The following SORBS2 variants were observed in gnomAD, a reference collection of about 807,000 sequenced individuals.
SORBS2 encodes sorbin and SH3 domain-containing protein 2.
SORBS2 carries 46 observed loss-of-function variants against 97.7 expected under a neutral mutation model. The observed-to-expected ratio is 0.47, with a 90% CI of 0.37 to 0.60. The LOEUF (loss-of-function observed/expected upper bound fraction) is 0.60. Among genes scored for constraint, SORBS2 ranks in the 20% least tolerant of loss-of-function variants. SORBS2 has a pLI of 0.00. For synonymous variants in SORBS2, 476 were observed against 473.4 expected (o/e 1.01, Z -0.07); for missense variants, 1,316 against 1,282.3 (o/e 1.03, Z -0.40).
intron 1 of SORBS2, among the ~76,000 whole-genome samples, chr4:185,890,628 A>T (rs1170623169): frequency 1.3e-5 from 2 of 152,086 alleles, no homozygotes; most frequent in East Asian, 3.9e-4. Context: ...CAGTGGTCTC[A>T]CCTCTGCCTG....
chr4:185,841,331 T>C (rs1040766432), intron 1 of SORBS2, among the ~76,000 whole-genome samples: 2 of 152,060 alleles, frequency 1.3e-5, no homozygotes, highest in Admixed American at 1.3e-4. Context: ...GGGGGGAGAT[T>C]AGTGGAGGTG....
intron 1 of SORBS2, among the ~76,000 whole-genome samples, chr4:185,891,492 C>T (rs1164151308): frequency 1.3e-5 from 2 of 152,330 alleles, no homozygotes; most frequent in East Asian, 1.9e-4. Flanking sequence ...AAGATTTCAA[C>T]GTGCTCAATT....
chr4:185,948,510 A>ATTTTTTTTTTT (rs34637572), intron 1 of SORBS2, among the ~76,000 whole-genome samples: 1 of 87,768 alleles, frequency 1.1e-5, no homozygotes, highest in Non-Finnish European at 2.1e-5. Context: ...ATGAATTTCA[A>ATTTTTTTTTTT]TTTTTTTTTT....
At chr4:185,631,408 G>T (rs1232891337) in intron 4 of SORBS2, among the ~76,000 whole-genome samples, 1 of 152,124 alleles carries the variant, frequency 6.6e-6, no homozygotes, top group Non-Finnish European at 1.5e-5. Flanking sequence ...TATCTAAAAG[G>T]CAAGAGAGGA....
At chr4:185,873,655 T>C (rs2099231667) in intron 1 of SORBS2, among the ~76,000 whole-genome samples, 2 of 152,194 alleles carry the variant, frequency 1.3e-5, no homozygotes, top group Admixed American at 1.3e-4. Flanking sequence ...AAAAAATGAA[T>C]ACTTTAGAGA....
chr4:185,752,405 A>G (rs1265026205), intron 2 of SORBS2, among the ~76,000 whole-genome samples: 2 of 152,106 alleles, frequency 1.3e-5, no homozygotes, highest in African/African-American at 4.8e-5. Context: ...CCTCCCGAGT[A>G]GCTTGGACTA....
chr4:185,624,471 G>A lies in SORBS2; in HGVS notation c.658C>T (p.Pro220Ser), dbSNP rs749494119. Reference sequence around the variant, plus strand: ...AGCCCTGAGTAACTGCAAAGGGATGGACATATTTTGCTATCATCCCCACCT... The same window carrying A: ...AGCCCTGAGTAACTGCAAAGGGATGAACATATTTTGCTATCATCCCCACCT... The change falls in exon 7 of 15, where the codon CCA (proline) becomes TCA (serine). Residue 220 changes from proline (P) to serine (S), a missense_variant. Pro to Ser is a moderately conservative substitution (Grantham distance 74). Coordinates refer to ENST00000418609, the Ensembl canonical transcript of SORBS2. The A allele has an allele frequency of 4.4e-6, 7 of 1,607,050 alleles. No individual in the cohort carries two copies. The highest frequency in any genetic ancestry group is 6.0e-6 in the Non-Finnish European group (7 of 1,175,670).
chr4:185,633,513 AGAGTT>A (rs1467548535), intron 4 of SORBS2, among the ~76,000 whole-genome samples: 5 of 151,426 alleles, frequency 3.3e-5, no homozygotes, highest in African/African-American at 9.7e-5. Flanking sequence ...TAGAATGCAT[AGAGTT>A]AAGTTTCTAC....
intron 1 of SORBS2, among the ~76,000 whole-genome samples, chr4:185,793,303 G>A (rs886299501): frequency 2.6e-5 from 4 of 152,214 alleles, no homozygotes; most frequent in Admixed American, 2.6e-4. Context: ...CAGGATGGCT[G>A]TTCTTTGGGA....
At chr4:185,720,468 TA>T in intron 2 of SORBS2, among the ~76,000 whole-genome samples, 1 of 152,338 alleles carries the variant, frequency 6.6e-6, no homozygotes, top group Non-Finnish European at 1.5e-5. Context: ...TGTAACCCAG[TA>T]GATCACACCC....
At position 185,627,594 on chromosome 4, in the gene SORBS2, T is replaced by C. The variant is rs2096837487; in HGVS notation, c.447-575A>G. ...GTGTAGAGAGTTTCCTTATAGTCCC[T>C]TTCCTCTTGCACAGTTTCCCTTATC... On this transcript the variant is annotated intron_variant, in intron 5 of 14. Coordinates refer to ENST00000418609, the Ensembl canonical transcript of SORBS2. Among the ~76,000 whole-genome samples, 5 of 152,322 alleles carry C rather than the reference T, an allele frequency of 3.3e-5. No homozygotes were observed. In the South Asian group the frequency reaches 1.0e-3, roughly 32 times the overall value.
intron 1 of SORBS2, among the ~76,000 whole-genome samples, chr4:185,857,936 G>A (rs540196722): frequency 1.3e-5 from 2 of 152,184 alleles, no homozygotes; most frequent in African/African-American, 4.8e-5. Flanking sequence ...TTCTAATTTT[G>A]CCCTTGCCTT....
At chr4:185,813,513 C>T (rs2099190511) in intron 1 of SORBS2, among the ~76,000 whole-genome samples, 1 of 152,186 alleles carries the variant, frequency 6.6e-6, no homozygotes, top group Non-Finnish European at 1.5e-5. Context: ...CACTGAAGTT[C>T]CCTTCCCTGA....
chr4:185,677,406 G>A (rs1453983147), intron 4 of SORBS2: 1 of 1,552,352 alleles, frequency 6.4e-7, no homozygotes, highest in Non-Finnish European at 8.7e-7. Context: ...TAGTGGATTA[G>A]TGATTTTTTG....
At chr4:185,893,768 G>T (rs1259081043) in intron 1 of SORBS2, among the ~76,000 whole-genome samples, 2 of 152,198 alleles carry the variant, frequency 1.3e-5, no homozygotes, top group East Asian at 1.9e-4. Flanking sequence ...GGTTATGGGA[G>T]AGTGAAGGCA....
chr4:185,706,128 C>A (rs1205203941), intron 2 of SORBS2, among the ~76,000 whole-genome samples: 1 of 152,188 alleles, frequency 6.6e-6, no homozygotes, highest in Admixed American at 6.5e-5. Context: ...AAATATTATG[C>A]TTGCCACGTT....
intron 1 of SORBS2, among the ~76,000 whole-genome samples, chr4:185,948,200 A>C (rs911101037): frequency 6.6e-6 from 1 of 152,104 alleles, no homozygotes; most frequent in African/African-American, 2.4e-5. Context: ...AGCTTACCTG[A>C]ATCTCTCCAA....
chr4:185,941,674 C>T (rs1183295151), intron 1 of SORBS2, among the ~76,000 whole-genome samples: 1 of 152,184 alleles, frequency 6.6e-6, no homozygotes, highest in Non-Finnish European at 1.5e-5. Context: ...CTCCTGTACT[C>T]AACACGAGTA....
rs774972258 is a variant in SORBS2 at position 185,635,329 on chromosome 4, A to G, written c.397-4731T>C. 4 of 1,548,680 alleles carry G rather than the reference A, an allele frequency of 2.6e-6. No individual in the cohort carries two copies. The South Asian group carries it at 3.4e-5, about 13-fold the overall frequency. The stretch of plus-strand genomic sequence containing the variant: ...TCACAGCCTCTAAGGGAGATATCTG[A>G]AAAAGAGAGAATAACGTGTTTTTAC... On this transcript the variant is annotated intron_variant, in intron 4 of 14. Coordinates refer to ENST00000418609, the Ensembl canonical transcript of SORBS2.
Sources: gnomAD v4.1 joint callset for allele counts (sites outside exome capture counted in the v4.1 genomes callset) on GRCh38, gnomAD v4.1.1 for gene constraint, MANE v1.5 for transcripts, NCBI Gene and HGNC (gene_info 2026-07-23, HGNC 2026-07-21) for gene names.